The following GABRB2 variants were observed in gnomAD, a reference collection of about 807,000 sequenced individuals.
GABRB2 encodes the protein gamma-aminobutyric acid type A receptor subunit beta2.
Under a neutral mutation model 54.7 loss-of-function variants are expected in GABRB2, and 16 were observed. That is an observed-to-expected ratio of 0.29 (90% CI 0.20 to 0.44). GABRB2 has a LOEUF of 0.44. GABRB2 is among the 20% of genes least tolerant of loss of function. The pLI, the probability that GABRB2 is intolerant of heterozygous loss-of-function variation, is 1.00. For synonymous variants in GABRB2, 244 were observed against 233.8 expected, an observed-to-expected ratio of 1.04 and a Z score of -0.40; for missense variants, 355 against 644.0, an observed-to-expected ratio of 0.55 and a Z score of 4.86.
chr5:161,446,467 G>C (rs186554876), intron 4 of GABRB2, among the ~76,000 whole-genome samples: 2 of 151,960 alleles, frequency 1.3e-5, no homozygotes, highest in Non-Finnish European at 2.9e-5. Context: ...TTCTGAGTAC[G>C]TCCCTGTCTG....
At chr5:161,405,787 T>A (rs1054033821) in intron 5 of GABRB2, among the ~76,000 whole-genome samples, 13 of 152,106 alleles carry the variant, frequency 8.5e-5, no homozygotes, top group Non-Finnish European at 1.8e-4. Context: ...TAGCTCCTTG[T>A]TATAGCAAAT....
At chr5:161,440,269 T>C (rs1259785945) in intron 4 of GABRB2, among the ~76,000 whole-genome samples, 2 of 151,924 alleles carry the variant, frequency 1.3e-5, no homozygotes, top group Non-Finnish European at 2.9e-5. Context: ...GTAAATGGAT[T>C]AAACTCTCCA....
chr5:161,524,747 A>C (rs1760222087), intron 3 of GABRB2, among the ~76,000 whole-genome samples: 2 of 151,320 alleles, frequency 1.3e-5, no homozygotes, highest in Admixed American at 1.3e-4. Context: ...TATGAGGCAG[A>C]GACCCTCATA....
At chr5:161,525,580 T>A (rs1454048762) in intron 3 of GABRB2, among the ~76,000 whole-genome samples, 1 of 151,396 alleles carries the variant, frequency 6.6e-6, no homozygotes, top group East Asian at 1.9e-4. Context: ...TATACTTTAA[T>A]ATGAAAACAA....
chr5:161,544,979 C>T (rs568951228), intron 3 of GABRB2, among the ~76,000 whole-genome samples: 2 of 151,936 alleles, frequency 1.3e-5, no homozygotes, highest in African/African-American at 4.8e-5. Flanking sequence ...CACGTGGTTG[C>T]GTTTTACACA....
intron 9 of GABRB2, among the ~76,000 whole-genome samples, chr5:161,299,021 C>A (rs187156128): frequency 2.4e-4 from 36 of 152,174 alleles, no homozygotes; most frequent in Admixed American, 2.0e-3. Context: ...TTCCATGGCT[C>A]ATAAAATAAG....
chr5:161,424,089 A>G (rs1486391775), intron 4 of GABRB2, among the ~76,000 whole-genome samples: 1 of 152,160 alleles, frequency 6.6e-6, no homozygotes, highest in Non-Finnish European at 1.5e-5. Flanking sequence ...GTTGGAAGCT[A>G]GCAGAGGTTG....
chr5:161,468,173 G>A (rs1758331705), intron 3 of GABRB2, among the ~76,000 whole-genome samples: 1 of 152,020 alleles, frequency 6.6e-6, no homozygotes, highest in South Asian at 2.1e-4. Context: ...CAGTGTAGCA[G>A]AAATGTAAAG....
intron 5 of GABRB2, among the ~76,000 whole-genome samples, chr5:161,337,317 C>T (rs970084787): frequency 6.6e-6 from 1 of 152,028 alleles, no homozygotes; most frequent in South Asian, 2.1e-4. Flanking sequence ...GAAGTGATTA[C>T]GAAGAAGAAT....
chr5:161,363,743 C>T (rs1055083638), intron 5 of GABRB2, among the ~76,000 whole-genome samples: 4 of 152,012 alleles, frequency 2.6e-5, no homozygotes, highest in Admixed American at 1.3e-4. Context: ...AGCAATCATT[C>T]TTTCTTTAGC....
intron 3 of GABRB2, among the ~76,000 whole-genome samples, chr5:161,505,477 A>C (rs1275728852): frequency 6.6e-6 from 1 of 152,180 alleles, no homozygotes; most frequent in Non-Finnish European, 1.5e-5. Context: ...GAAACCAGGA[A>C]AAGATATTAT....
chr5:161,375,798 G>A (rs569484375), intron 5 of GABRB2, among the ~76,000 whole-genome samples: 1 of 152,116 alleles, frequency 6.6e-6, no homozygotes, highest in African/African-American at 2.4e-5. Flanking sequence ...ATACTCAATG[G>A]GTGTTAGCTA....
chr5:161,308,893 T>TTTACAAA (rs944097693), intron 9 of GABRB2, among the ~76,000 whole-genome samples: 4 of 152,126 alleles, frequency 2.6e-5, no homozygotes, highest in African/African-American at 9.7e-5. Flanking sequence ...ATGTAAAACC[T>TTTACAAA]AAAATGATAA....
chr5:161,314,524 C>A (rs1230863711), intron 9 of GABRB2, among the ~76,000 whole-genome samples: 1 of 152,128 alleles, frequency 6.6e-6, no homozygotes, highest in African/African-American at 2.4e-5. Context: ...TAAAAAGTTC[C>A]TAATTTCTAT....
At chr5:161,469,914 T>C (rs1023303101) in intron 3 of GABRB2, among the ~76,000 whole-genome samples, 1 of 151,966 alleles carries the variant, frequency 6.6e-6, no homozygotes, top group Non-Finnish European at 1.5e-5. Context: ...TCATCCAAAG[T>C]GAACAATCTG....
chr5:161,472,968 G>A (rs553513059), intron 3 of GABRB2, among the ~76,000 whole-genome samples: 77 of 151,894 alleles, frequency 5.1e-4, no homozygotes, highest in African/African-American at 1.7e-3. Context: ...GAGAATATAA[G>A]CATAAAGTTA....
intron 3 of GABRB2, among the ~76,000 whole-genome samples, chr5:161,536,230 G>C (rs1231284588): frequency 6.6e-6 from 1 of 152,128 alleles, no homozygotes; most frequent in African/African-American, 2.4e-5. Flanking sequence ...GGAGAATGTT[G>C]AGCGCTGTAC....
At chr5:161,533,075 C>A (rs1194938237) in intron 3 of GABRB2, among the ~76,000 whole-genome samples, 1 of 151,266 alleles carries the variant, frequency 6.6e-6, no homozygotes, top group Non-Finnish European at 1.5e-5. Context: ...CAGACAATTA[C>A]TTCTAGGTTA....
intron 4 of GABRB2, among the ~76,000 whole-genome samples, chr5:161,412,674 T>G (rs537480591): frequency 6.6e-6 from 1 of 152,170 alleles, no homozygotes; most frequent in South Asian, 2.1e-4. Flanking sequence ...TCTCACTCCA[T>G]GTCCTCAATC....
Sources: gnomAD v4.1 joint callset for allele counts (sites outside exome capture counted in the v4.1 genomes callset) on GRCh38, gnomAD v4.1.1 for gene constraint, MANE v1.5 for transcripts, NCBI Gene and HGNC (gene_info 2026-07-23, HGNC 2026-07-21) for gene names.